ARHGEF7: variants seen among roughly 807,000 people sequenced by gnomAD.
ARHGEF7 encodes the protein Rho guanine nucleotide exchange factor 7.
Under a neutral mutation model 109.8 loss-of-function variants are expected in ARHGEF7, and 33 were observed. The ratio of observed to expected loss-of-function variants is 0.30; its 90% confidence interval spans 0.23 to 0.40. ARHGEF7 has a LOEUF of 0.40. ARHGEF7 is among the 10% of genes least tolerant of loss of function. The probability of loss-of-function intolerance (pLI) is 1.00; values close to 1 mark genes in which losing one functional copy is unlikely to be tolerated. For missense variants in ARHGEF7, 938 were observed against 1,098.5 expected (o/e 0.85, Z 2.07); for synonymous variants, 458 against 424.6 (o/e 1.08, Z -0.97).
At chr13:111,139,539 T>TGGGTGCCTGCGTGGAGCACTGGC (rs758428255) in intron 1 of ARHGEF7, among the ~76,000 whole-genome samples, 6,028 of 143,808 alleles carry the variant, frequency 0.042, 562 homozygotes, top group Middle Eastern at 0.08. Flanking sequence ...GTGGCTCTTG[T>TGGGTGCCTGCGTGGAGCACTGGC]GGGTGCCTGC....
chr13:111,229,189 C>G, intron 5 of ARHGEF7, among the ~76,000 whole-genome samples: 1 of 152,276 alleles, frequency 6.6e-6, no homozygotes, highest in African/African-American at 2.4e-5. Context: ...GAATCCAGAG[C>G]TCTTCAGTTC....
intron 1 of ARHGEF7, chr13:111,143,636 A>G (rs1253018500): frequency 6.6e-6 from 1 of 152,200 alleles, no homozygotes; most frequent in African/African-American, 2.4e-5. Flanking sequence ...CGACCACCAG[A>G]CTCAACTTGA....
At chr13:111,252,728 G>A (rs1229758380) in intron 8 of ARHGEF7, among the ~76,000 whole-genome samples, 1 of 152,142 alleles carries the variant, frequency 6.6e-6, no homozygotes, top group East Asian at 1.9e-4. Flanking sequence ...TCCTTTAAAG[G>A]ACCCCATGAG....
chr13:111,302,044 A>G (rs1373808979), intron 21 of ARHGEF7, among the ~76,000 whole-genome samples: 1 of 152,206 alleles, frequency 6.6e-6, no homozygotes, highest in Non-Finnish European at 1.5e-5. Context: ...GATGTCATAA[A>G]ACATCGCAAA....
intron 2 of ARHGEF7, among the ~76,000 whole-genome samples, chr13:111,154,320 C>A (rs897909647): frequency 6.6e-6 from 1 of 152,190 alleles, no homozygotes; most frequent in African/African-American, 2.4e-5. Flanking sequence ...GGGGTGTGAA[C>A]CGATTTCTTG....
At chr13:111,205,494 C>A in intron 3 of ARHGEF7, 121 bp downstream of exon 3, 1 of 620,664 alleles carries the variant, frequency 1.6e-6, no homozygotes, top group Non-Finnish European at 2.7e-6. Flanking sequence ...GCTTTTGTTG[C>A]ATTACGTTTT....
intron 2 of ARHGEF7, among the ~76,000 whole-genome samples, chr13:111,187,873 C>T (rs998328490): frequency 1.3e-5 from 2 of 152,226 alleles, no homozygotes; most frequent in African/African-American, 4.8e-5. Context: ...GGTCACTCAG[C>T]TGGAAGAGAA....
chr13:111,292,890 G>A, intron 19 of ARHGEF7: 2 of 988,056 alleles, frequency 2.0e-6, no homozygotes, highest in Non-Finnish European at 2.4e-6. Context: ...TCTGGGCCTT[G>A]GCAGGTGCAC....
chr13:111,229,692 G>A (rs1044367402), intron 5 of ARHGEF7, among the ~76,000 whole-genome samples: 1 of 152,130 alleles, frequency 6.6e-6, no homozygotes, highest in Non-Finnish European at 1.5e-5. Context: ...GTGGGTTCCT[G>A]TGTACCCTGG....
chr13:111,125,384 G>GC (rs1486141060), intron 1 of ARHGEF7, among the ~76,000 whole-genome samples: 10 of 86,556 alleles, frequency 1.2e-4, no homozygotes, highest in Middle Eastern at 6.3e-3. Flanking sequence ...ACTTGGAGCA[G>GC]CTTTTTTTTT....
intron 1 of ARHGEF7, among the ~76,000 whole-genome samples, chr13:111,123,862 G>GCT (rs2067364228): frequency 9.1e-6 from 1 of 110,062 alleles, no homozygotes; most frequent in Admixed American, 1.0e-4. Context: ...GGTGGGCTGC[G>GCT]CCCCCCCCCC....
intron 19 of ARHGEF7, chr13:111,294,148 G>C (rs2093368459): frequency 5.1e-6 from 5 of 985,396 alleles, no homozygotes; most frequent in Non-Finnish European, 6.0e-6. Context: ...TGTATGTTCA[G>C]CCAGATAGTA....
chr13:111,242,052 G>A (rs1041384446), intron 6 of ARHGEF7, among the ~76,000 whole-genome samples: 7 of 152,100 alleles, frequency 4.6e-5, no homozygotes, highest in African/African-American at 1.7e-4. Context: ...TGTGTTCGAC[G>A]GGAATTTCGT....
At chr13:111,274,013 T>C (rs2092336269) in intron 10 of ARHGEF7, 61 bp downstream of exon 10, 2 of 1,570,420 alleles carry the variant, frequency 1.3e-6, no homozygotes, top group Admixed American at 1.8e-5. Context: ...ATGGTCAGAC[T>C]TACTGTGAAA....
At chr13:111,184,088 G>A (rs924160943) in intron 2 of ARHGEF7, among the ~76,000 whole-genome samples, 2 of 152,082 alleles carry the variant, frequency 1.3e-5, no homozygotes, top group South Asian at 2.1e-4. Flanking sequence ...ATTGAATCAC[G>A]GGTTGGTTTC....
At chr13:111,172,677 A>C (rs1282162833) in intron 2 of ARHGEF7, among the ~76,000 whole-genome samples, 1 of 152,250 alleles carries the variant, frequency 6.6e-6, no homozygotes, top group East Asian at 1.9e-4. Flanking sequence ...AGACTGGGTT[A>C]ATAGCAGAGA....
intron 2 of ARHGEF7, among the ~76,000 whole-genome samples, chr13:111,176,500 C>T (rs1223764210): frequency 3.3e-5 from 5 of 152,194 alleles, no homozygotes; most frequent in African/African-American, 1.2e-4. Context: ...GTCCCACTCT[C>T]TCCTTTCTCT....
intron 2 of ARHGEF7, among the ~76,000 whole-genome samples, chr13:111,191,032 AAG>A (rs1018957464): frequency 3.9e-5 from 6 of 152,070 alleles, no homozygotes; most frequent in African/African-American, 7.2e-5. Context: ...GAGTGATTGA[AAG>A]AGGGGATGAG....
rs576753807 is a variant in ARHGEF7, at chr13:111,199,081, C to T, written c.253-6208C>T. 7.2e-5 allele frequency among the ~76,000 whole-genome samples: 11 copies of T among 152,290 alleles called. No homozygotes were observed. The East Asian group carries it at 9.7e-4, about 13-fold the overall frequency. ...CAGAAAAGTTCTGCAGGTCCCCACC[C>T]GACCCAGAAGCCCAGCTGGCTTCAC... On this transcript the variant is annotated intron_variant, in intron 2 of 21. Transcript: ENST00000646102.
Sources: allele counts gnomAD v4.1 joint callset (sites outside exome capture counted in the v4.1 genomes callset), GRCh38; gene constraint gnomAD v4.1.1; transcripts MANE v1.5; gene names NCBI Gene and HGNC (gene_info 2026-07-23, HGNC 2026-07-21).